UBE4B: variants seen among roughly 807,000 people sequenced by gnomAD.
UBE4B encodes ubiquitination factor E4B.
Under a neutral mutation model 148.1 loss-of-function variants are expected in UBE4B, and 27 were observed. The ratio of observed to expected loss-of-function variants is 0.18; its 90% CI spans 0.13 to 0.25. The LOEUF (loss-of-function observed/expected upper bound fraction) is 0.25, where lower values mean the gene tolerates loss of function less well. UBE4B is among the 10% of genes least tolerant of loss of function. The pLI is 1.00. For synonymous variants in UBE4B, 596 were observed against 619.3 expected (o/e 0.96, Z 0.56); for missense variants, 1,170 against 1,662.4 (o/e 0.70, Z 5.15).
At chr1:10,093,897 ATTGGCCATGCTGGTCTCGAAC>A (rs1242377398) in intron 2 of UBE4B, among the ~76,000 whole-genome samples, 1 of 151,726 alleles carries the variant, frequency 6.6e-6, no homozygotes, top group African/African-American at 2.4e-5. Flanking sequence ...GTTTCACCAC[ATTGGCCATGCTGGTCTCGAAC>A]TCCTGACCTC....
chr1:10,046,027 C>A (rs976525119), intron 1 of UBE4B, among the ~76,000 whole-genome samples: 1 of 152,170 alleles, frequency 6.6e-6, no homozygotes, highest in Non-Finnish European at 1.5e-5. Flanking sequence ...AGCCCAGGTG[C>A]CTTCTGTCTT....
chr1:10,059,157 G>A (rs971090956), intron 1 of UBE4B: 8 of 152,408 alleles, frequency 5.2e-5, no homozygotes, highest in African/African-American at 1.9e-4. Context: ...GTGAACATGG[G>A]AGGTGGAGCT....
intron 2 of UBE4B, among the ~76,000 whole-genome samples, chr1:10,086,831 A>T (rs994946745): frequency 6.6e-6 from 1 of 152,132 alleles, no homozygotes; most frequent in African/African-American, 2.4e-5. Flanking sequence ...CTGGGACTAT[A>T]GGCATGTGCC....
intron 23 of UBE4B, among the ~76,000 whole-genome samples, chr1:10,164,004 G>A (rs956750936): frequency 6.6e-6 from 1 of 151,608 alleles, no homozygotes; most frequent in Non-Finnish European, 1.5e-5. Context: ...GGGGGTTACA[G>A]ACATGAGCCA....
chr1:10,175,375 G>GGC (rs1370961320), intron 25 of UBE4B, among the ~76,000 whole-genome samples: 1 of 152,120 alleles, frequency 6.6e-6, no homozygotes. Context: ...AAAATAGCCG[G>GGC]GTGCAGTGGC....
intron 3 of UBE4B, among the ~76,000 whole-genome samples, chr1:10,100,232 G>A (rs550334020): frequency 1.3e-5 from 2 of 152,180 alleles, no homozygotes; most frequent in South Asian, 4.2e-4. Flanking sequence ...CTTGTGATCC[G>A]CCCACCTCGG....
At chr1:10,160,293 G>T (rs1329035835) in intron 22 of UBE4B, among the ~76,000 whole-genome samples, 5 of 152,174 alleles carry the variant, frequency 3.3e-5, no homozygotes, top group Non-Finnish European at 1.5e-5. Flanking sequence ...TTTGTGATAA[G>T]GAATAACTAT....
At chr1:10,144,842 C>A in intron 17 of UBE4B, 98 bp from the exon 18 acceptor site, 10 of 759,052 alleles carry the variant, frequency 1.3e-5, no homozygotes, top group South Asian at 4.4e-5. Context: ...AATGCGAAAA[C>A]AAACAACTGC....
chr1:10,107,045 C>A (rs1013863720), intron 7 of UBE4B, among the ~76,000 whole-genome samples: 1 of 152,104 alleles, frequency 6.6e-6, no homozygotes, highest in Non-Finnish European at 1.5e-5. Context: ...TCCAGTGGCC[C>A]CTTCTCTCAA....
rs779212741 is a variant in UBE4B at position 10,178,678 on chromosome 1, T to C, written c.3560T>C (p.Ile1187Thr). ...AGTAAGGAATTGTTTGAAGAAGTTA[T>C]TTCAAAGATGCGGAAGGCAGGGATC... The part of the protein sequence containing the change: ...SYSKELFEEV[I>T]SKMRKAGIKS... The change falls in exon 26 of 28, where the codon ATT (isoleucine) becomes ACT (threonine). Residue 1187 changes from isoleucine (I) to threonine (T), a missense_variant. Transcript: ENST00000343090. The C allele has an allele frequency of 6.2e-7, 1 of 1,613,208 alleles. No homozygotes were observed. The highest frequency in any genetic ancestry group is 8.5e-7 in the Non-Finnish European group (1 of 1,179,800).
chr1:10,178,925 G>C, intron 26 of UBE4B, 107 bp downstream of exon 26: 5 of 1,224,818 alleles, frequency 4.1e-6, no homozygotes, highest in Non-Finnish European at 5.5e-6. Context: ...GTGTGCTAGA[G>C]CTGCTTTTTG....
intron 1 of UBE4B, among the ~76,000 whole-genome samples, chr1:10,043,287 G>T (rs921393285): frequency 2.0e-5 from 3 of 151,934 alleles, no homozygotes; most frequent in Admixed American, 6.6e-5. Flanking sequence ...GGGATTACAG[G>T]TGTGAGCCAC....
chr1:10,120,392 A>G (rs1645390606), intron 9 of UBE4B, among the ~76,000 whole-genome samples: 3 of 152,186 alleles, frequency 2.0e-5, no homozygotes, highest in African/African-American at 7.2e-5. Context: ...GCATTGTGGC[A>G]TGTGCCTGTA....
chr1:10,133,211 A>T (rs186698521), intron 15 of UBE4B, among the ~76,000 whole-genome samples: 2,478 of 152,286 alleles, frequency 0.016, 59 homozygotes, highest in African/African-American at 0.055. Flanking sequence ...CTAGTAATAA[A>T]TAATGAATGA....
At chr1:10,130,835 C>A (rs750427487) in intron 14 of UBE4B, 22 bp downstream of exon 14, 6 of 1,598,758 alleles carry the variant, frequency 3.8e-6, no homozygotes, top group South Asian at 3.3e-5. Context: ...GAAAACAAAT[C>A]CAGAGGAAGT....
intron 21 of UBE4B, among the ~76,000 whole-genome samples, chr1:10,153,292 G>A (rs906412555): frequency 2.0e-5 from 3 of 151,690 alleles, no homozygotes; most frequent in African/African-American, 4.8e-5. Context: ...GATTGTTTGA[G>A]CCTAAGAGTT....
At position 10,062,843 on chromosome 1, in the gene UBE4B, C is replaced by T. The variant is rs548748173; in HGVS notation, c.25-9185C>T. ...TGGTGGCACATGCCTGTAATCCCAG[C>T]GACTCGGGAGGCTGAGGCAGGAGAA... On this transcript the variant is annotated intron_variant, in intron 1 of 27. Coordinates refer to ENST00000343090, the MANE Select transcript of UBE4B (RefSeq NM_001105562.3). 1.5e-4 allele frequency among the ~76,000 whole-genome samples: 23 copies of T among 151,176 alleles called. No homozygotes were observed. In the East Asian group the frequency reaches 3.9e-3, roughly 26 times the overall value.
At chr1:10,065,935 T>TA (rs1342365525) in intron 1 of UBE4B, among the ~76,000 whole-genome samples, 1 of 152,052 alleles carries the variant, frequency 6.6e-6, no homozygotes, top group Non-Finnish European at 1.5e-5. Context: ...TTCAATTTTT[T>TA]AAAAAATGGA....
chr1:10,034,997 T>TG (rs1012535287), intron 1 of UBE4B, among the ~76,000 whole-genome samples: 17 of 152,082 alleles, frequency 1.1e-4, no homozygotes, highest in Non-Finnish European at 1.9e-4. Context: ...GTGGGTTTTT[T>TG]TTTGTTTGTT....
Sources: allele counts gnomAD v4.1 joint callset (sites outside exome capture counted in the v4.1 genomes callset), GRCh38; gene constraint gnomAD v4.1.1; transcripts MANE v1.5; gene names NCBI Gene and HGNC (gene_info 2026-07-23, HGNC 2026-07-21).